GLT1D1: variants seen among roughly 807,000 people sequenced by gnomAD.
The protein encoded by GLT1D1 is glycosyltransferase 1 domain-containing protein 1.
A neutral mutation model predicts 28.7 loss-of-function variants in GLT1D1; 21 were observed. The ratio of observed to expected loss-of-function variants is 0.73; its 90% confidence interval spans 0.52 to 1.05. The LOEUF is 1.05. Among genes scored for constraint, GLT1D1 ranks in the 50% least tolerant of loss-of-function variants. The pLI is 0.00. For synonymous variants in GLT1D1, 147 were observed against 124.8 expected, an observed-to-expected ratio of 1.18 and a Z score of -1.19; for missense variants, 343 against 330.6, an observed-to-expected ratio of 1.04 and a Z score of -0.29.
intron 4 of GLT1D1, among the ~76,000 whole-genome samples, chr12:128,924,601 C>A (rs1872998058): frequency 6.6e-6 from 1 of 151,788 alleles, no homozygotes; most frequent in South Asian, 2.1e-4. Flanking sequence ...GGATTACAGG[C>A]CCCCGCCACC....
At chr12:128,928,357 A>T (rs1873503013) in intron 4 of GLT1D1, among the ~76,000 whole-genome samples, 1 of 152,042 alleles carries the variant, frequency 6.6e-6, no homozygotes. Flanking sequence ...CCACTTGCAG[A>T]TGCCGCCTCC....
intron 1 of GLT1D1, among the ~76,000 whole-genome samples, chr12:128,863,945 C>CAAAAAAA (rs35052910): frequency 7.1e-5 from 4 of 56,160 alleles, no homozygotes; most frequent in South Asian, 5.5e-4. Flanking sequence ...GACTCCATCT[C>CAAAAAAA]AAAAAAAAAA....
intron 6 of GLT1D1, among the ~76,000 whole-genome samples, chr12:128,954,877 C>G (rs2135509661): frequency 6.6e-6 from 1 of 152,266 alleles, no homozygotes; most frequent in Non-Finnish European, 1.5e-5. Flanking sequence ...TTGCTTGAGC[C>G]CAGGAGGTGA....
At chr12:128,874,100 C>T (rs1593063942) in intron 1 of GLT1D1, among the ~76,000 whole-genome samples, 1 of 43,062 alleles carries the variant, frequency 2.3e-5, no homozygotes, top group Non-Finnish European at 3.9e-5. Flanking sequence ...TTCTTTCTTT[C>T]TCTCTCTCTC....
chr12:128,918,328 G>A (rs1049224410), intron 4 of GLT1D1, among the ~76,000 whole-genome samples: 1 of 152,150 alleles, frequency 6.6e-6, no homozygotes, highest in Non-Finnish European at 1.5e-5. Context: ...AGGGCTGGGG[G>A]CATCAGGAGA....
intron 7 of GLT1D1, among the ~76,000 whole-genome samples, chr12:128,971,023 T>C (rs1438553886): frequency 6.6e-6 from 1 of 152,348 alleles, no homozygotes; most frequent in African/African-American, 2.4e-5. Context: ...TAGTGAGCGA[T>C]GCAGCACGCC....
At chr12:128,883,489 C>G in intron 2 of GLT1D1, among the ~76,000 whole-genome samples, 1 of 150,824 alleles carries the variant, frequency 6.6e-6, no homozygotes. Flanking sequence ...ACTCGGGAGC[C>G]TGAGGCAGGA....
chr12:128,874,090 T>C (rs867151069), intron 1 of GLT1D1, among the ~76,000 whole-genome samples: 18 of 25,332 alleles, frequency 7.1e-4, no homozygotes, highest in Admixed American at 1.5e-3. Flanking sequence ...CTTTCTTTCT[T>C]TCTTTCTTTC....
At chr12:128,853,988 G>C (rs1216212496) in intron 1 of GLT1D1, among the ~76,000 whole-genome samples, 3 of 152,126 alleles carry the variant, frequency 2.0e-5, no homozygotes, top group Non-Finnish European at 4.4e-5. Flanking sequence ...CCGCAGGGAT[G>C]CGCAGCGGGG....
intron 2 of GLT1D1, among the ~76,000 whole-genome samples, chr12:128,881,561 A>AATATATATATATATATATATATAT (rs1174737837): frequency 1.2e-4 from 4 of 33,716 alleles, no homozygotes; most frequent in African/African-American, 4.4e-4. Context: ...AAAAAAAAAA[A>AATATATATATATATATATATATAT]ATATATATAT....
intron 4 of GLT1D1, among the ~76,000 whole-genome samples, chr12:128,914,016 T>A (rs1423492130): frequency 6.6e-6 from 1 of 152,188 alleles, no homozygotes; most frequent in Non-Finnish European, 1.5e-5. Flanking sequence ...TCAGTGTGAA[T>A]AACGATTATG....
At chr12:128,944,356 G>C (rs1875740581) in intron 4 of GLT1D1, 2 of 854,922 alleles carry the variant, frequency 2.3e-6, no homozygotes, top group Admixed American at 1.8e-5. Context: ...GTTGGTTTCT[G>C]TTCTGGAGAA....
At chr12:128,858,477 T>C (rs1358816411) in intron 1 of GLT1D1, among the ~76,000 whole-genome samples, 1 of 152,022 alleles carries the variant, frequency 6.6e-6, no homozygotes, top group Admixed American at 6.6e-5. Flanking sequence ...TTGGAGACCA[T>C]CCTGGCCAAC....
At chr12:128,910,184 G>A (rs1030502024) in intron 4 of GLT1D1, among the ~76,000 whole-genome samples, 3 of 151,876 alleles carry the variant, frequency 2.0e-5, no homozygotes, top group African/African-American at 7.3e-5. Flanking sequence ...CAGAGATGTG[G>A]GAAGATCAGC....
rs1259110689 is a variant in GLT1D1 at position 128,853,612 on chromosome 12, C to A, written c.31C>A (p.Pro11Thr). ...GCTCCTGTTCCTGGCGGTGCTGCGGCCACACACCGGCAACGCGGTCACGGC... is the reference window on the plus strand; with the variant it reads ...GCTCCTGTTCCTGGCGGTGCTGCGGACACACACCGGCAACGCGGTCACGGC... Residue 11 changes from proline to threonine, a missense_variant, in exon 1 of 8, where the codon CCA (proline) becomes ACA (threonine). Coordinates refer to ENST00000281703, the MANE Select transcript of GLT1D1 (RefSeq NM_144669.3). The A allele has an allele frequency of 2.1e-5, 25 of 1,180,398 alleles. No individual in the cohort carries two copies. Among genetic ancestry groups the A allele is most frequent in the Non-Finnish European group, 2.5e-5 (24 of 942,804 alleles). The allele number at this position is 1,180,398 out of a possible 1,614,324, so 73.1% of individuals were successfully genotyped here. A position where few individuals can be genotyped will look rare whatever the true frequency, so the allele number is the denominator to read the frequency against.
At chr12:128,882,271 G>A (rs1365680180) in intron 2 of GLT1D1, among the ~76,000 whole-genome samples, 7 of 147,638 alleles carry the variant, frequency 4.7e-5, no homozygotes, top group African/African-American at 7.7e-5. Context: ...CAGGTATAAC[G>A]CAATTTTTTT....
intron 7 of GLT1D1, among the ~76,000 whole-genome samples, chr12:128,973,890 G>A (rs1187526241): frequency 7.3e-6 from 1 of 136,868 alleles, no homozygotes; most frequent in Non-Finnish European, 1.7e-5. Context: ...TGTGTGTAGG[G>A]GGTGTGTGTG....
At chr12:128,925,339 C>T (rs1398182360) in intron 4 of GLT1D1, among the ~76,000 whole-genome samples, 2 of 152,298 alleles carry the variant, frequency 1.3e-5, no homozygotes, top group South Asian at 2.1e-4. Context: ...CTGCCTCCTG[C>T]GACCCCAACC....
intron 4 of GLT1D1, among the ~76,000 whole-genome samples, chr12:128,931,917 G>GCACGCGCACACACACACACACA (rs1368012620): frequency 0.012 from 1,731 of 141,086 alleles, 19 homozygotes; most frequent in Non-Finnish European, 0.019. Context: ...ACACACGCAC[G>GCACGCGCACACACACACACACA]CACACACACA....
Sources: gnomAD v4.1 joint callset for allele counts (sites outside exome capture counted in the v4.1 genomes callset) on GRCh38, gnomAD v4.1.1 for gene constraint, MANE v1.5 for transcripts, NCBI Gene and HGNC (gene_info 2026-07-23, HGNC 2026-07-21) for gene names.